The following PIK3CB variants were observed in gnomAD, a reference collection of about 807,000 sequenced individuals.
PIK3CB encodes the protein phosphatidylinositol-4,5-bisphosphate 3-kinase catalytic subunit beta, also known as phosphatidylinositol 4,5-bisphosphate 3-kinase catalytic subunit beta isoform.
A neutral mutation model predicts 136.8 loss-of-function variants in PIK3CB; 39 were observed. The observed-to-expected ratio is 0.29, with a 90% confidence interval of 0.22 to 0.37. PIK3CB has a LOEUF of 0.37. Among genes scored for constraint, PIK3CB ranks in the 10% least tolerant of loss-of-function variants. The pLI, the probability that PIK3CB is intolerant of heterozygous loss-of-function variation, is 1.00. For synonymous variants in PIK3CB, 428 were observed against 436.6 expected (o/e 0.98, Z 0.25); for missense variants, 868 against 1,275.4 (o/e 0.68, Z 4.87).
At chr3:138,725,849 T>C (rs1472156071) in intron 8 of PIK3CB, among the ~76,000 whole-genome samples, 1 of 152,248 alleles carries the variant, frequency 6.6e-6, no homozygotes, top group Non-Finnish European at 1.5e-5. Context: ...TATTGAACTA[T>C]CATTGTCCAC....
chr3:138,674,339 A>T (rs1438644490), intron 19 of PIK3CB, among the ~76,000 whole-genome samples: 1 of 152,144 alleles, frequency 6.6e-6, no homozygotes, highest in Non-Finnish European at 1.5e-5. Flanking sequence ...TGAAGGCATG[A>T]CCCAACATGT....
intron 11 of PIK3CB, 56 bp downstream of exon 11, chr3:138,707,103 A>G (rs2044394387): frequency 9.5e-7 from 1 of 1,051,988 alleles, no homozygotes; most frequent in East Asian, 2.4e-5. Flanking sequence ...CTATACATAG[A>G]GGAACTGATC....
intron 10 of PIK3CB, 133 bp from the exon 11 acceptor site, chr3:138,707,422 A>G (rs2044402493): frequency 3.6e-6 from 5 of 1,378,980 alleles, no homozygotes; most frequent in Non-Finnish European, 1.9e-6. Context: ...AGACAATTCT[A>G]TCAGTAATCC....
intron 6 of PIK3CB, among the ~76,000 whole-genome samples, chr3:138,737,078 C>T (rs955114949): frequency 6.6e-5 from 10 of 151,712 alleles, no homozygotes; most frequent in African/African-American, 2.4e-4. Context: ...AATTATAAGG[C>T]TAACTAAAAC....
intron 13 of PIK3CB, among the ~76,000 whole-genome samples, chr3:138,698,592 T>C (rs867279250): frequency 1.2e-4 from 19 of 152,196 alleles, no homozygotes; most frequent in African/African-American, 4.3e-4. Flanking sequence ...GATTTAAAAC[T>C]CTGGAGTTCA....
intron 1 of PIK3CB, among the ~76,000 whole-genome samples, chr3:138,799,308 G>C (rs1212006098): frequency 6.6e-6 from 1 of 151,608 alleles, no homozygotes; most frequent in Non-Finnish European, 1.5e-5. Context: ...CTCCCAAGAG[G>C]CTGGGATTAC....
At chr3:138,688,251 C>T (rs2108498546) in intron 16 of PIK3CB, among the ~76,000 whole-genome samples, 2 of 151,986 alleles carry the variant, frequency 1.3e-5, no homozygotes, top group Middle Eastern at 6.8e-3. Context: ...CATGTAATCC[C>T]AGCACTTTGG....
intron 6 of PIK3CB, among the ~76,000 whole-genome samples, chr3:138,736,585 T>C (rs539619): frequency 0.49 from 74,503 of 152,038 alleles, 20,769 homozygotes; most frequent in East Asian, 0.98. Context: ...TTCAAGTTAC[T>C]TGAAGGCAAA....
intron 16 of PIK3CB, among the ~76,000 whole-genome samples, chr3:138,686,943 C>T (rs1350686728): frequency 6.6e-6 from 1 of 152,136 alleles, no homozygotes; most frequent in Non-Finnish European, 1.5e-5. Flanking sequence ...AGGAGCTGTA[C>T]AAACACTGGT....
At chr3:138,679,748 AATTATT>A (rs59677449) in intron 19 of PIK3CB, among the ~76,000 whole-genome samples, 16 of 141,462 alleles carry the variant, frequency 1.1e-4, no homozygotes, top group Admixed American at 5.8e-4. Context: ...ATGCCTGGCT[AATTATT>A]ATTATTATTA....
At chr3:138,775,463 T>A (rs2108773948) in intron 2 of PIK3CB, among the ~76,000 whole-genome samples, 1 of 152,250 alleles carries the variant, frequency 6.6e-6, no homozygotes, top group African/African-American at 2.4e-5. Context: ...GTTCTCTGAA[T>A]GATTGCAGTG....
At chr3:138,779,697 T>A (rs1398361661) in intron 2 of PIK3CB, among the ~76,000 whole-genome samples, 1 of 31,742 alleles carries the variant, frequency 3.2e-5, no homozygotes, top group Non-Finnish European at 7.0e-5. Context: ...CCTGGCCAAA[T>A]TTTTTTTTTT....
intron 5 of PIK3CB, among the ~76,000 whole-genome samples, chr3:138,738,747 T>A (rs1450688795): frequency 6.6e-6 from 1 of 152,182 alleles, no homozygotes; most frequent in Non-Finnish European, 1.5e-5. Context: ...TTTTTCATTA[T>A]ATGATCATAT....
intron 1 of PIK3CB, among the ~76,000 whole-genome samples, chr3:138,824,617 C>T (rs1002640072): frequency 4.0e-5 from 6 of 151,682 alleles, no homozygotes; most frequent in Admixed American, 2.6e-4. Flanking sequence ...CACTTGAACC[C>T]GGGAGGCGGA....
chr3:138,662,810 G>A (rs1245831482), intron 21 of PIK3CB, among the ~76,000 whole-genome samples: 1 of 152,134 alleles, frequency 6.6e-6, no homozygotes, highest in African/African-American at 2.4e-5. Context: ...CATTCTAACT[G>A]GTGTGAGATG....
At chr3:138,780,641 ATG>A (rs1491248624) in intron 2 of PIK3CB, among the ~76,000 whole-genome samples, 1 of 44,430 alleles carries the variant, frequency 2.3e-5, no homozygotes, top group African/African-American at 3.0e-4. Context: ...TGTGGGCTAA[ATG>A]TTTTTAAAAT....
intron 1 of PIK3CB, among the ~76,000 whole-genome samples, chr3:138,817,070 G>A (rs918747834): frequency 2.6e-4 from 39 of 152,128 alleles, no homozygotes; most frequent in African/African-American, 9.2e-4. Flanking sequence ...CGGGCGCGGT[G>A]GCTCACGCCT....
At chr3:138,814,993 A>T (rs1300065295) in intron 1 of PIK3CB, among the ~76,000 whole-genome samples, 1 of 151,600 alleles carries the variant, frequency 6.6e-6, no homozygotes, top group East Asian at 1.9e-4. Context: ...AAAAGAAATT[A>T]GCCGGGCATG....
At chr3:138,723,490 G>A (rs1314635097) in intron 8 of PIK3CB, among the ~76,000 whole-genome samples, 1 of 152,184 alleles carries the variant, frequency 6.6e-6, no homozygotes, top group Non-Finnish European at 1.5e-5. Flanking sequence ...GCCAGAGCCT[G>A]TGGTGAGCCA....
Sources: gnomAD v4.1 joint callset for allele counts (sites outside exome capture counted in the v4.1 genomes callset) on GRCh38, gnomAD v4.1.1 for gene constraint, MANE v1.5 for transcripts, NCBI Gene and HGNC (gene_info 2026-07-23, HGNC 2026-07-21) for gene names.